The following TBC1D15 variants were observed in gnomAD, a reference collection of about 807,000 sequenced individuals.
The protein encoded by TBC1D15 is TBC1 domain family member 15.
TBC1D15 carries 39 observed loss-of-function variants against 95.4 expected under a neutral mutation model. That is an observed-to-expected ratio of 0.41 (90% confidence interval 0.32 to 0.53). TBC1D15 has a LOEUF of 0.53. Among genes scored for constraint, TBC1D15 ranks in the 20% least tolerant of loss-of-function variants. The pLI is 0.29. For missense variants in TBC1D15, 733 were observed against 794.3 expected, an observed-to-expected ratio of 0.92 and a Z score of 0.93; for synonymous variants, 258 against 261.3, an observed-to-expected ratio of 0.99 and a Z score of 0.12.
chr12:71,889,278 A>G (rs1326554105), intron 5 of TBC1D15, among the ~76,000 whole-genome samples: 1 of 152,194 alleles, frequency 6.6e-6, no homozygotes, highest in Non-Finnish European at 1.5e-5. Flanking sequence ...GACTACTTCA[A>G]AAGCTGTTCT....
intron 12 of TBC1D15, 115 bp downstream of exon 12, chr12:71,914,041 C>T: frequency 1.4e-6 from 1 of 698,730 alleles, no homozygotes; most frequent in Non-Finnish European, 2.3e-6. Context: ...AAAAAAATTA[C>T]CTCATGCCTT....
At position 71,839,790 on chromosome 12, in the gene TBC1D15, G is replaced by A. The variant is rs767040202; in HGVS notation, c.9G>A (p.Ala3=). The change falls in exon 1 of 17, where the codon GCG becomes GCA. Residue 3 remains alanine, a synonymous_variant. Coordinates refer to ENST00000485960, the MANE Select transcript of TBC1D15 (RefSeq NM_001146213.3). Reference sequence around the variant, plus strand: ...AGGCACGCGCAGGAAACATGGCGGCGGCGGGTGTTGTGAGCGGGAAGGTAG... The same window carrying A: ...AGGCACGCGCAGGAAACATGGCGGCAGCGGGTGTTGTGAGCGGGAAGGTAG... MA[A]AGVVSGKIIY... is the part of the protein sequence containing the mutation. The A allele has an allele frequency of 6.2e-7, 1 of 1,614,186 alleles. No individual in the cohort carries two copies. The highest frequency in any genetic ancestry group is 1.3e-5 in the African/African-American group (1 of 75,060).
At chr12:71,886,399 A>G (rs1896240867) in intron 5 of TBC1D15, among the ~76,000 whole-genome samples, 1 of 152,164 alleles carries the variant, frequency 6.6e-6, no homozygotes, top group Admixed American at 6.5e-5. Context: ...CGAACCCCTG[A>G]CCTCAGGTTA....
chr12:71,861,744 T>C (rs1267386449), intron 1 of TBC1D15, among the ~76,000 whole-genome samples: 4 of 152,070 alleles, frequency 2.6e-5, no homozygotes, highest in African/African-American at 4.8e-5. Context: ...TGGTTTGTTA[T>C]TGTTTTTCTA....
At position 71,884,823 on chromosome 12, in the gene TBC1D15, A is replaced by G; in HGVS notation, c.356A>G (p.His119Arg). ...TCTTGTTTTTAAGATGCTCCAAGTCATAGAAATGGGAAAAGCAAATGGTCA... is the reference window on the plus strand; with the variant it reads ...TCTTGTTTTTAAGATGCTCCAAGTCGTAGAAATGGGAAAAGCAAATGGTCA... ...KPHTNGDAPS[H>R]RNGKSKWSFL... Residue 119 changes from histidine (H) to arginine (R), a missense_variant, in exon 5 of 17, where the codon CAT (histidine) becomes CGT (arginine). Coordinates refer to ENST00000485960, the MANE Select transcript of TBC1D15 (RefSeq NM_001146213.3). The G allele has an allele frequency of 6.2e-7, 1 of 1,613,958 alleles. No homozygotes were observed. The highest frequency in any genetic ancestry group is 1.7e-4 in the Middle Eastern group (1 of 6,060).
chr12:71,885,809 A>C (rs2138553586), intron 5 of TBC1D15, among the ~76,000 whole-genome samples: 1 of 152,252 alleles, frequency 6.6e-6, no homozygotes, highest in East Asian at 1.9e-4. Flanking sequence ...AAAATGAGTG[A>C]CCACTATAAG....
chr12:71,897,363 T>C (rs1427962581), intron 9 of TBC1D15: 2 of 157,036 alleles, frequency 1.3e-5, no homozygotes, highest in African/African-American at 4.8e-5. Flanking sequence ...CATATTTAAG[T>C]TATCTGACAG....
At chr12:71,867,423 T>C (rs1891723886) in intron 1 of TBC1D15, among the ~76,000 whole-genome samples, 1 of 152,230 alleles carries the variant, frequency 6.6e-6, no homozygotes, top group African/African-American at 2.4e-5. Context: ...ATTTATTCTT[T>C]TCATAAAATA....
At chr12:71,914,732 A>G (rs1212998420) in intron 12 of TBC1D15, among the ~76,000 whole-genome samples, 1 of 152,022 alleles carries the variant, frequency 6.6e-6, no homozygotes, top group Non-Finnish European at 1.5e-5. Flanking sequence ...CTTGCAAGGG[A>G]TAAACATTTT....
intron 5 of TBC1D15, among the ~76,000 whole-genome samples, chr12:71,889,163 A>G (rs1437579366): frequency 6.6e-6 from 1 of 152,160 alleles, no homozygotes; most frequent in Non-Finnish European, 1.5e-5. Context: ...GTAAAAGAGA[A>G]AAAGCTTTGT....
intron 9 of TBC1D15, 141 bp from the exon 10 acceptor site, chr12:71,897,706 G>T: frequency 1.6e-5 from 9 of 551,308 alleles, no homozygotes; most frequent in Non-Finnish European, 2.5e-5. Context: ...AACTTTAAAC[G>T]TTTTGCTATT....
At chr12:71,911,393 A>G (rs933587019) in intron 11 of TBC1D15, among the ~76,000 whole-genome samples, 8 of 152,022 alleles carry the variant, frequency 5.3e-5, no homozygotes, top group African/African-American at 1.9e-4. Flanking sequence ...ATAATGATAG[A>G]CTGGATTAAG....
chr12:71,887,290 A>T (rs1025952287), intron 5 of TBC1D15, among the ~76,000 whole-genome samples: 8 of 130,120 alleles, frequency 6.1e-5, no homozygotes, highest in Non-Finnish European at 8.2e-5. Context: ...CAGAATAGAA[A>T]ATACTATTCT....
Position 71,896,665 on chromosome 12 carries a change from T to C in TBC1D15, c.985-12T>C, listed in dbSNP as rs749510150. 1 of 1,603,538 alleles carries C rather than the reference T, an allele frequency of 6.2e-7. No individual in the cohort carries two copies. The highest frequency in any genetic ancestry group is 8.5e-7 in the Non-Finnish European group (1 of 1,174,354). On this transcript the variant is annotated splice_polypyrimidine_tract_variant and intron_variant, in intron 8 of 16. Transcript: ENST00000485960. ...TTTTCATTCATGTATTTAATATGTA[T>C]GCTTTCTTCAGGGACTTAGTCATGC... is the stretch of plus-strand genomic sequence containing the variant.
intron 1 of TBC1D15, among the ~76,000 whole-genome samples, chr12:71,847,478 C>T (rs905438121): frequency 7.9e-5 from 12 of 151,618 alleles, no homozygotes; most frequent in African/African-American, 2.9e-4. Flanking sequence ...GGGTGGATCA[C>T]GAGGTAAGGA....
At chr12:71,867,541 T>C (rs536533271) in intron 1 of TBC1D15, among the ~76,000 whole-genome samples, 2 of 152,356 alleles carry the variant, frequency 1.3e-5, no homozygotes, top group South Asian at 4.1e-4. Context: ...TTATCCCTTA[T>C]TCAAAACTGG....
chr12:71,913,564 T>A (rs1480949977), intron 11 of TBC1D15: 4 of 321,440 alleles, frequency 1.2e-5, no homozygotes, highest in African/African-American at 9.1e-5. Flanking sequence ...TACCCACTCT[T>A]GATAGTGTAT....
At position 71,876,971 on chromosome 12, in the gene TBC1D15, C is replaced by T. The variant is rs540594329; in HGVS notation, c.205-3498C>T. On this transcript the variant is annotated intron_variant, in intron 3 of 16. Transcript: ENST00000485960. ...GACTACAGGTGTGCGCCACCACACC[C>T]GACTAGTTTTTGTATTTTTAGTAGA... Among the ~76,000 whole-genome samples, 50 of 151,780 alleles carry T rather than the reference C, an allele frequency of 3.3e-4. 1 individual carries two copies. The highest frequency in any genetic ancestry group is 1.9e-3 in the South Asian group (9 of 4,806).
intron 1 of TBC1D15, among the ~76,000 whole-genome samples, chr12:71,869,820 T>C (rs946820374): frequency 6.6e-6 from 1 of 152,184 alleles, no homozygotes; most frequent in African/African-American, 2.4e-5. Flanking sequence ...TCTAGAAAAT[T>C]TAGTTTATAC....
Sources: gnomAD v4.1 joint callset for allele counts (sites outside exome capture counted in the v4.1 genomes callset) on GRCh38, gnomAD v4.1.1 for gene constraint, MANE v1.5 for transcripts, NCBI Gene and HGNC (gene_info 2026-07-23, HGNC 2026-07-21) for gene names.